PDE8B: variants seen among roughly 807,000 people sequenced by gnomAD.
PDE8B encodes the protein phosphodiesterase 8B.
Under a neutral mutation model 101.3 loss-of-function variants are expected in PDE8B, and 26 were observed. That is an observed-to-expected ratio of 0.26 (90% CI 0.19 to 0.36). The LOEUF (loss-of-function observed/expected upper bound fraction) is 0.36, where lower values mean the gene tolerates loss of function less well. Ranked by LOEUF, PDE8B falls within the 10% of genes least tolerant of loss-of-function variation. PDE8B has a pLI of 1.00. For synonymous variants in PDE8B, 424 were observed against 429.3 expected (o/e 0.99, Z 0.15); for missense variants, 810 against 1,163.1 (o/e 0.70, Z 4.42).
chr5:77,421,501 AAAAAC>A (rs1267018598), intron 19 of PDE8B, among the ~76,000 whole-genome samples: 3 of 152,184 alleles, frequency 2.0e-5, no homozygotes, highest in Non-Finnish European at 4.4e-5. Flanking sequence ...TGCTCAAAAT[AAAAAC>A]AAAACTGCTG....
At chr5:77,253,918 T>C (rs1758583945) in intron 1 of PDE8B, among the ~76,000 whole-genome samples, 1 of 151,630 alleles carries the variant, frequency 6.6e-6, no homozygotes, top group African/African-American at 2.4e-5. Context: ...ATTTAGTATT[T>C]ATATATATAA....
intron 1 of PDE8B, among the ~76,000 whole-genome samples, chr5:77,288,967 T>C (rs1766673569): frequency 6.6e-6 from 1 of 152,146 alleles, no homozygotes; most frequent in Non-Finnish European, 1.5e-5. Flanking sequence ...CCTTGATTTA[T>C]GCAGCCACAA....
chr5:77,242,300 A>T (rs1420787581), intron 1 of PDE8B, among the ~76,000 whole-genome samples: 2 of 152,246 alleles, frequency 1.3e-5, no homozygotes, highest in Non-Finnish European at 2.9e-5. Context: ...CAGAAGGCAC[A>T]GGAAAAGAAA....
At chr5:77,225,827 T>C (rs1378865304) in intron 1 of PDE8B, among the ~76,000 whole-genome samples, 4 of 149,956 alleles carry the variant, frequency 2.7e-5, no homozygotes, top group African/African-American at 9.9e-5. Flanking sequence ...ATTCCTCATT[T>C]GTTAGATCCC....
chr5:77,396,659 C>G (rs1199270329), intron 10 of PDE8B, among the ~76,000 whole-genome samples: 1 of 152,056 alleles, frequency 6.6e-6, no homozygotes, highest in Admixed American at 6.6e-5. Flanking sequence ...TTATCTGTAT[C>G]ATTTTTCATT....
At position 77,418,300 on chromosome 5, in the gene PDE8B, A is replaced by G; in HGVS notation, c.1983A>G (p.Gly661=). 6.2e-7 allele frequency: 1 copy of G among 1,614,036 alleles called. No homozygotes were observed. The highest frequency in any genetic ancestry group is 8.5e-7 in the Non-Finnish European group (1 of 1,179,888). Reference sequence around the variant, plus strand: ...CAGTCCATGACGTGGATCACCCGGGAAGGACCAACTCTTTCCTCTGCAATG... The same window carrying G: ...CAGTCCATGACGTGGATCACCCGGGGAGGACCAACTCTTTCCTCTGCAATG... The part of the protein sequence containing the change: ...AATVHDVDHP[G]RTNSFLCNAG... Residue 661 remains glycine (G), a synonymous_variant, in exon 18 of 22, where the codon GGA becomes GGG. Transcript: ENST00000264917.
intron 1 of PDE8B, among the ~76,000 whole-genome samples, chr5:77,300,816 G>A (rs188961988): frequency 1.3e-5 from 2 of 152,314 alleles, no homozygotes; most frequent in Admixed American, 1.3e-4. Flanking sequence ...CACTCAGGTT[G>A]TATGTCATTA....
At chr5:77,290,243 A>G in intron 1 of PDE8B, 1 of 1,549,808 alleles carries the variant, frequency 6.5e-7, no homozygotes, top group South Asian at 1.2e-5. Flanking sequence ...AGCTCCTTGG[A>G]CCTTGGAGCA....
the PDE8B span, among the ~76,000 whole-genome samples, chr5:77,150,394 C>T: frequency 5.9e-5 from 9 of 152,110 alleles, no homozygotes; most frequent in African/African-American, 1.9e-4. Context: ...CTGCATACAA[C>T]TGTAACCCAC....
At chr5:77,225,279 C>T (rs1311126968) in intron 1 of PDE8B, among the ~76,000 whole-genome samples, 2 of 152,214 alleles carry the variant, frequency 1.3e-5, no homozygotes, top group African/African-American at 4.8e-5. Flanking sequence ...TCCTAGCATC[C>T]TCCAAAGGTA....
the PDE8B span, among the ~76,000 whole-genome samples, chr5:77,190,826 G>A: frequency 6.6e-6 from 1 of 152,350 alleles, no homozygotes; most frequent in Non-Finnish European, 1.5e-5. Context: ...ATTGGCTGAA[G>A]ACAAAGTAGG....
chr5:77,126,748 G>C, the PDE8B span, among the ~76,000 whole-genome samples: 2 of 152,176 alleles, frequency 1.3e-5, no homozygotes, highest in African/African-American at 4.8e-5. Context: ...ATAAATGCTT[G>C]TAGAAATTTA....
chr5:77,087,475 G>C, the PDE8B span: 1 of 152,288 alleles, frequency 6.6e-6, no homozygotes, highest in African/African-American at 2.4e-5. Context: ...AGCGCGGTTT[G>C]CATCTTTGCA....
In PDE8B at chr5:77,407,530, C is replaced by T. The variant is rs1793731012; in HGVS notation, c.1365+73C>T. 8 of 1,052,180 alleles carry T rather than the reference C, an allele frequency of 7.6e-6. No homozygotes were observed. In the Admixed American group the frequency reaches 1.2e-4, roughly 16 times the overall value. The allele number at this position is 1,052,180 out of a possible 1,614,324, so 65.2% of individuals were successfully genotyped here. A position where few individuals can be genotyped will look rare whatever the true frequency, so the allele number is the denominator to read the frequency against. On this transcript the variant is annotated intron_variant, in intron 13 of 21. Transcript: ENST00000264917. ...AGGGCCGTGCTCTGAAAATACATCA[C>T]ACTGACATCATGGAGCTCAGTCTAG...
chr5:77,342,118 C>T (rs968464347), intron 6 of PDE8B, among the ~76,000 whole-genome samples: 1 of 152,176 alleles, frequency 6.6e-6, no homozygotes, highest in South Asian at 2.1e-4. Flanking sequence ...TTCAGGTATA[C>T]TTATGAGAAA....
intron 1 of PDE8B, among the ~76,000 whole-genome samples, chr5:77,244,812 T>C (rs1756530831): frequency 6.6e-6 from 1 of 151,044 alleles, no homozygotes; most frequent in Admixed American, 6.6e-5. Flanking sequence ...CAAGACTGGC[T>C]GGCTCCAGGG....
intron 20 of PDE8B, among the ~76,000 whole-genome samples, chr5:77,424,539 A>C (rs1174083025): frequency 6.6e-6 from 1 of 152,224 alleles, no homozygotes; most frequent in African/African-American, 2.4e-5. Context: ...CTAATACCCA[A>C]GTTTGAACAA....
chr5:77,356,178 G>A (rs1218542909), intron 10 of PDE8B, among the ~76,000 whole-genome samples: 1 of 152,060 alleles, frequency 6.6e-6, no homozygotes, highest in Non-Finnish European at 1.5e-5. Flanking sequence ...ACACTTCTTT[G>A]GGCACCTTTT....
intron 1 of PDE8B, among the ~76,000 whole-genome samples, chr5:77,283,486 T>A (rs1436740197): frequency 1.3e-5 from 2 of 152,198 alleles, no homozygotes; most frequent in African/African-American, 4.8e-5. Context: ...CACCTATTCA[T>A]CTCTCCCTTC....
Sources: gnomAD v4.1 joint callset for allele counts (sites outside exome capture counted in the v4.1 genomes callset) on GRCh38, gnomAD v4.1.1 for gene constraint, MANE v1.5 for transcripts, NCBI Gene and HGNC (gene_info 2026-07-23, HGNC 2026-07-21) for gene names.